Variants in TENM3 observed in about 807,000 individuals in gnomAD.
The protein encoded by TENM3 is teneurin-3.
TENM3 carries 63 observed loss-of-function variants against 255.1 expected under a neutral mutation model. That is an observed-to-expected ratio of 0.25 (90% CI 0.20 to 0.30). The LOEUF (loss-of-function observed/expected upper bound fraction) is 0.30. TENM3 is among the 10% of genes least tolerant of loss of function. The probability of loss-of-function intolerance (pLI) is 1.00; values close to 1 mark genes in which losing one functional copy is unlikely to be tolerated. For synonymous variants in TENM3, 1,306 were observed against 1,322.3 expected (o/e 0.99, Z 0.27); for missense variants, 2,929 against 3,461.1 (o/e 0.85, Z 3.86).
At chr4:182,642,559 C>T (rs566865964) in intron 5 of TENM3, among the ~76,000 whole-genome samples, 3 of 152,320 alleles carry the variant, frequency 2.0e-5, no homozygotes, top group Non-Finnish European at 4.4e-5. Context: ...CCCATCAAGG[C>T]ATTTTGATAG....
At chr4:182,100,384 T>C in the TENM3 span, among the ~76,000 whole-genome samples, 1 of 149,356 alleles carries the variant, frequency 6.7e-6, no homozygotes, top group Non-Finnish European at 1.5e-5. Context: ...AAAAGGTCAC[T>C]TCAGGCCAGG....
At chr4:181,453,044 T>C in the TENM3 span, among the ~76,000 whole-genome samples, 250 of 152,284 alleles carry the variant, frequency 1.6e-3, 2 homozygotes, top group East Asian at 5.2e-3. Flanking sequence ...TGACTATAAG[T>C]ATTTAGAGTG....
chr4:182,514,963 C>G (rs1182656726), intron 3 of TENM3, among the ~76,000 whole-genome samples: 2 of 152,120 alleles, frequency 1.3e-5, no homozygotes, highest in Non-Finnish European at 2.9e-5. Flanking sequence ...TAATAGTAGA[C>G]TCAGTCAATT....
At chr4:181,827,729 C>T in the TENM3 span, among the ~76,000 whole-genome samples, 4 of 152,154 alleles carry the variant, frequency 2.6e-5, no homozygotes, top group African/African-American at 7.2e-5. Flanking sequence ...AGATGCTTCA[C>T]CCCAGGTATG....
At chr4:182,513,099 A>T (rs914942325) in intron 3 of TENM3, among the ~76,000 whole-genome samples, 1 of 152,194 alleles carries the variant, frequency 6.6e-6, no homozygotes, top group Non-Finnish European at 1.5e-5. Context: ...AGAAGTGAGG[A>T]TAGGATAGGG....
At chr4:182,706,081 G>T (rs1758260585) in intron 12 of TENM3, among the ~76,000 whole-genome samples, 1 of 152,104 alleles carries the variant, frequency 6.6e-6, no homozygotes, top group South Asian at 2.1e-4. Flanking sequence ...TGTTTAGTCT[G>T]ATTTTTTTTA....
the TENM3 span, among the ~76,000 whole-genome samples, chr4:181,708,006 T>G: frequency 6.6e-6 from 1 of 152,334 alleles, no homozygotes; most frequent in South Asian, 2.1e-4. Flanking sequence ...AGTGGGATTG[T>G]TTCTATTGAT....
the TENM3 span, among the ~76,000 whole-genome samples, chr4:181,999,813 C>T: frequency 2.6e-5 from 4 of 152,074 alleles, no homozygotes; most frequent in Non-Finnish European, 5.9e-5. Flanking sequence ...TTTGACATAT[C>T]GAGAATTCAT....
intron 19 of TENM3, among the ~76,000 whole-genome samples, chr4:182,748,463 C>T (rs886925407): frequency 5.3e-5 from 8 of 152,104 alleles, no homozygotes; most frequent in Admixed American, 2.0e-4. Flanking sequence ...CCCACACACC[C>T]GCCTCTTCAG....
At chr4:181,592,894 G>A in the TENM3 span, among the ~76,000 whole-genome samples, 6 of 152,122 alleles carry the variant, frequency 3.9e-5, no homozygotes, top group Non-Finnish European at 8.8e-5. Flanking sequence ...AACACAGATG[G>A]TCTCAATGAT....
At chr4:182,061,200 C>T in the TENM3 span, among the ~76,000 whole-genome samples, 10 of 152,300 alleles carry the variant, frequency 6.6e-5, no homozygotes, top group Admixed American at 2.6e-4. Flanking sequence ...CCTCTTCTAG[C>T]GCTTTGCACA....
At chr4:182,118,420 T>A in the TENM3 span, among the ~76,000 whole-genome samples, 3 of 151,806 alleles carry the variant, frequency 2.0e-5, no homozygotes, top group African/African-American at 7.3e-5. Context: ...GCTGTAGGGG[T>A]TTTTTTGTAG....
chr4:181,665,526 C>A, the TENM3 span, among the ~76,000 whole-genome samples: 1 of 151,818 alleles, frequency 6.6e-6, no homozygotes, highest in Non-Finnish European at 1.5e-5. Context: ...TCATCGCGTG[C>A]GTGTGTGTAT....
the TENM3 span, among the ~76,000 whole-genome samples, chr4:181,503,950 A>G: frequency 2.2e-4 from 33 of 152,154 alleles, no homozygotes; most frequent in African/African-American, 7.9e-4. Flanking sequence ...TATGCTGTTT[A>G]TTTCTTATTT....
chr4:181,667,882 A>G, the TENM3 span, among the ~76,000 whole-genome samples: 4 of 152,128 alleles, frequency 2.6e-5, no homozygotes, highest in Non-Finnish European at 2.9e-5. Flanking sequence ...TCAAGTAGTA[A>G]CCACTTGTCC....
chr4:182,750,571 T>G (rs554294208), intron 19 of TENM3, among the ~76,000 whole-genome samples: 2 of 152,308 alleles, frequency 1.3e-5, no homozygotes, highest in East Asian at 3.9e-4. Flanking sequence ...TATTAGAACC[T>G]AACCTCATTG....
the TENM3 span, among the ~76,000 whole-genome samples, chr4:181,898,048 C>T: frequency 2.6e-5 from 4 of 152,142 alleles, no homozygotes; most frequent in Non-Finnish European, 5.9e-5. Context: ...CAGTCAATGA[C>T]GTAGGCACCA....
chr4:181,982,767 G>A, the TENM3 span, among the ~76,000 whole-genome samples: 1 of 151,948 alleles, frequency 6.6e-6, no homozygotes, highest in Non-Finnish European at 1.5e-5. Context: ...AAAGTTCTGG[G>A]GAACAATTTC....
chr4:182,041,494 T>C, the TENM3 span, among the ~76,000 whole-genome samples: 8 of 152,222 alleles, frequency 5.3e-5, no homozygotes, highest in African/African-American at 1.9e-4. Context: ...CTGCAAACAT[T>C]GTTCCTATGG....
Sources: allele counts gnomAD v4.1 joint callset (sites outside exome capture counted in the v4.1 genomes callset), GRCh38; gene constraint gnomAD v4.1.1; transcripts MANE v1.5; gene names NCBI Gene and HGNC (gene_info 2026-07-23, HGNC 2026-07-21).